PFKM: variants seen among roughly 807,000 people sequenced by gnomAD.
PFKM encodes the protein phosphofructokinase, muscle, also known as ATP-dependent 6-phosphofructokinase, muscle type.
PFKM carries 58 observed loss-of-function variants against 95.5 expected under a neutral mutation model. The ratio of observed to expected loss-of-function variants is 0.61; its 90% confidence interval spans 0.49 to 0.76. The LOEUF is 0.76. PFKM is among the 30% of genes least tolerant of loss of function. PFKM has a pLI of 0.00. For synonymous variants in PFKM, 336 were observed against 357.2 expected (o/e 0.94, Z 0.67); for missense variants, 678 against 1,005.4 (o/e 0.67, Z 4.40).
intron 11 of PFKM, 128 bp from the exon 12 acceptor site, chr12:48,139,157 G>T: frequency 1.3e-6 from 1 of 756,098 alleles, no homozygotes; most frequent in East Asian, 2.6e-5. Context: ...CATAGGAAAG[G>T]TGGGGTGTAG....
chr12:48,106,029 G>T, exon 1 of PFKM: 1 of 701,530 alleles, frequency 1.4e-6, no homozygotes, highest in Non-Finnish European at 2.6e-6. Flanking sequence ...GCCACTCACC[G>T]AACCGGAACC....
At chr12:48,107,844 C>A (rs938970199) in intron 2 of PFKM, among the ~76,000 whole-genome samples, 2 of 152,178 alleles carry the variant, frequency 1.3e-5, no homozygotes, top group African/African-American at 4.8e-5. Flanking sequence ...GGAAAAATGG[C>A]CTTCTCATCC....
At position 48,139,604 on chromosome 12, in the gene PFKM, C is replaced by T. The variant is rs757647368; in HGVS notation, c.1128-245C>T. 9 of 617,446 alleles carry T rather than the reference C, an allele frequency of 1.5e-5. No homozygotes were observed. The South Asian group carries it at 1.7e-4, about 12-fold the overall frequency. The allele number at this position is 617,446 out of a possible 1,614,324, so 38.2% of individuals were successfully genotyped here. The stretch of plus-strand genomic sequence containing the variant: ...GTGAGCCCCAGCAAGATGATAAGTT[C>T]CTCTAGGCAAGGGACAGTCTCTTGT... On this transcript the variant is annotated intron_variant, in intron 12 of 22. Coordinates refer to ENST00000359794, the MANE Select transcript of PFKM (RefSeq NM_000289.6).
Position 48,145,231 on chromosome 12 carries a change from C to T in PFKM, c.2114C>T (p.Pro705Leu). 6.2e-7 allele frequency: 1 copy of T among 1,614,122 alleles called. No individual in the cohort carries two copies. Among genetic ancestry groups the T allele is most frequent in the Non-Finnish European group, 8.5e-7 (1 of 1,180,020 alleles). The change falls in exon 22 of 23, where the codon CCA (proline) becomes CTA (leucine). Residue 705 changes from proline to leucine, a missense_variant. Coordinates refer to ENST00000359794, the MANE Select transcript of PFKM (RefSeq NM_000289.6). This position sits in a 1 kb window ranked among gnomAD's most constrained non-coding sequence, Gnocchi z 4.3. ...GCAGGGCGGATCTTTGCCAATACTC[C>T]AGATTCGGGCTGTGTTCTGGGGATG... ...YRNGRIFANT[P>L]DSGCVLGMRK...
At position 48,112,701 on chromosome 12, in the gene PFKM, G is replaced by A. The variant is rs566486349; in HGVS notation, c.205+4507G>A. Among the ~76,000 whole-genome samples, 6 of 152,326 alleles carry A rather than the reference G, an allele frequency of 3.9e-5. No homozygotes were observed. In the South Asian group the frequency reaches 1.2e-3, roughly 32 times the overall value. The stretch of plus-strand genomic sequence containing the variant: ...GCCTTTGGCACCACGGGGTGGATAA[G>A]CAAGACAATTTGGTTGATAAGGCGC... On this transcript the variant is annotated intron_variant, in intron 3 of 24. Transcript: ENST00000340802.
intron 6 of PFKM, 84 bp downstream of exon 6, chr12:48,133,564 G>T (rs904566239): frequency 2.8e-5 from 36 of 1,292,140 alleles, no homozygotes; most frequent in South Asian, 2.4e-4. Context: ...AGACTAAAGC[G>T]TTTGAGCTAT....
chr12:48,121,020 GCAT>G (rs1425073964), intron 1 of PFKM, among the ~76,000 whole-genome samples: 2 of 152,194 alleles, frequency 1.3e-5, no homozygotes, highest in Non-Finnish European at 2.9e-5. Context: ...GTGTGGTGGT[GCAT>G]GTCTGTAATC....
chr12:48,134,689 T>A, intron 7 of PFKM, 32 bp from the exon 8 acceptor site: 1 of 1,451,848 alleles, frequency 6.9e-7, no homozygotes, highest in Non-Finnish European at 9.7e-7. Flanking sequence ...AGAGTACAAC[T>A]TCTAGCAGGA....
At position 48,132,952 on chromosome 12, in the gene PFKM, C is replaced by T. The variant is rs1949670448; in HGVS notation, c.322C>T (p.Arg108Cys). 6.2e-7 allele frequency: 1 copy of T among 1,614,136 alleles called. No homozygotes were observed. Among genetic ancestry groups the T allele is most frequent in the Non-Finnish European group, 8.5e-7 (1 of 1,179,986 alleles). ...CCGAGCTGCCTACAACCTGGTGAAG[C>T]GTGGGATCACCAATCTCTGTGTCAT... ...RLRAAYNLVK[R>C]GITNLCVIGG... Residue 108 changes from arginine (R) to cysteine (C), a missense_variant, in exon 5 of 23, where the codon CGT becomes TGT. Transcript: ENST00000359794.
intron 13 of PFKM, 127 bp downstream of exon 13, chr12:48,140,039 GCTGGGTCC>G (rs1950442254): frequency 2.9e-6 from 2 of 695,534 alleles, no homozygotes; most frequent in Non-Finnish European, 5.3e-6. Flanking sequence ...GATCTTCAGT[GCTGGGTCC>G]CTGGCCCTAT....
chr12:48,127,605 T>C (rs1565873366), intron 2 of PFKM, among the ~76,000 whole-genome samples: 1 of 152,230 alleles, frequency 6.6e-6, no homozygotes, highest in Non-Finnish European at 1.5e-5. Context: ...CAAATGCTAC[T>C]CTTCCAGTTC....
intron 20 of PFKM, among the ~76,000 whole-genome samples, chr12:48,144,526 C>T (rs1240613091): frequency 3.3e-5 from 5 of 152,198 alleles, no homozygotes; most frequent in African/African-American, 4.8e-5. Flanking sequence ...GCACCTCCCT[C>T]TCACTCCCAA....
At chr12:48,126,723 T>C (rs187278018) in intron 2 of PFKM, among the ~76,000 whole-genome samples, 183 of 152,336 alleles carry the variant, frequency 1.2e-3, no homozygotes, top group African/African-American at 4.3e-3. Flanking sequence ...TTTTTTCCCT[T>C]ATTTCCTGAA....
chr12:48,109,303 T>TTTCC (rs887432323), intron 3 of PFKM, among the ~76,000 whole-genome samples: 10 of 151,802 alleles, frequency 6.6e-5, no homozygotes, highest in Admixed American at 1.3e-4. Flanking sequence ...CAGCTTTTCT[T>TTTCC]TTCCTTCCTT....
At chr12:48,142,612 G>A (rs999218952) in intron 17 of PFKM, among the ~76,000 whole-genome samples, 170 bp from the exon 18 acceptor site, 3 of 152,066 alleles carry the variant, frequency 2.0e-5, no homozygotes, top group Non-Finnish European at 2.9e-5. Context: ...TCTGCAGTGA[G>A]GTTGGCAAAT....
At chr12:48,132,304 A>G (rs1445661897) in intron 4 of PFKM, 1 of 293,600 alleles carries the variant, frequency 3.4e-6, no homozygotes, top group Non-Finnish European at 6.6e-6. Flanking sequence ...TTCTTTACCT[A>G]GAGCTATTTT....
intron 2 of PFKM, chr12:48,125,228 T>G (rs1948706831): frequency 2.6e-6 from 1 of 390,268 alleles, no homozygotes. Context: ...ATTCTACCCC[T>G]GGAAAGGACC....
rs1320070017 is a variant in PFKM at position 48,111,878 on chromosome 12, G to A, written c.205+3684G>A. On this transcript the variant is annotated intron_variant, in intron 3 of 24. Coordinates refer to the PFKM transcript ENST00000340802. ...GTATAGCTGAAGGAGCCAGGGAGCAGAAAGTATATGCATCAGGTGTAAGGA... is the reference window on the plus strand; with the variant it reads ...GTATAGCTGAAGGAGCCAGGGAGCAAAAAGTATATGCATCAGGTGTAAGGA... Among the ~76,000 whole-genome samples the A allele has an allele frequency of 3.9e-5, 6 of 152,326 alleles. No homozygotes were observed. The East Asian group carries it at 1.2e-3, about 29-fold the overall frequency.
At position 48,108,768 on chromosome 12, in the gene PFKM, C is replaced by T. The variant is rs1946929518; in HGVS notation, c.205+574C>T. On this transcript the variant is annotated intron_variant, in intron 3 of 24. Coordinates refer to the PFKM transcript ENST00000340802. ...TATATTGGAGTCAATTCACTGGAAA[C>T]CTTTATTGAGTTCCCGCTATTTGCC... 3.3e-5 allele frequency among the ~76,000 whole-genome samples: 5 copies of T among 152,162 alleles called. No individual in the cohort carries two copies. The South Asian group carries it at 8.3e-4, about 25-fold the overall frequency.
Sources: gnomAD v4.1 joint callset for allele counts (sites outside exome capture counted in the v4.1 genomes callset) on GRCh38, gnomAD v4.1.1 for gene constraint, Gnocchi (gnomAD v3.1) non-coding constraint, MANE v1.5 for transcripts, NCBI Gene and HGNC (gene_info 2026-07-23, HGNC 2026-07-21) for gene names.